Variants in LRPAP1 observed in about 807,000 individuals in gnomAD.
LRPAP1 encodes the protein alpha-2-macroglobulin receptor-associated protein.
In LRPAP1, 41 loss-of-function variants were observed where a neutral mutation model predicts 39.9. The observed-to-expected ratio is 1.03, with a 90% CI of 0.80 to 1.33. The LOEUF (loss-of-function observed/expected upper bound fraction) is 1.33, where lower values mean the gene tolerates loss of function less well. Ranked by LOEUF, LRPAP1 falls within the 40% of genes most tolerant of loss-of-function variation. The pLI is 0.00. For missense variants in LRPAP1, 565 were observed against 482.3 expected (o/e 1.17, Z -1.61); for synonymous variants, 263 against 212.7 (o/e 1.24, Z -2.06).
rs901783740 is a variant in LRPAP1 at position 3,504,961 on chromosome 4, T to A, written c.*8013A>T. On this transcript the variant is annotated 3_prime_UTR_variant, in exon 8 of 8. Coordinates refer to ENST00000650182, the MANE Select transcript of LRPAP1 (RefSeq NM_002337.4). ...GACTCCGTCTCAAGAAAAAAATAAA[T>A]AACAAAGAACAGAAGACAACATGAC... 1.6e-5 allele frequency among the ~76,000 whole-genome samples: 2 copies of A among 126,880 alleles called. No homozygotes were observed. The highest frequency in any genetic ancestry group is 5.7e-5 in the African/African-American group (2 of 35,166). The allele number at this position is 126,880 out of a possible 152,430, so 83.2% of individuals were successfully genotyped here. A position where few individuals can be genotyped will look rare whatever the true frequency, so the allele number is the denominator to read the frequency against.
intron 2 of LRPAP1, among the ~76,000 whole-genome samples, chr4:3,522,989 A>G (rs896047767): frequency 1.4e-4 from 21 of 151,822 alleles, no homozygotes; most frequent in Non-Finnish European, 2.9e-4. Flanking sequence ...ATGGCGGGGA[A>G]CTGGCCAGGA....
chr4:3,532,022 C>T, intron 1 of LRPAP1, 187 bp downstream of exon 1: 1 of 663,386 alleles, frequency 1.5e-6, no homozygotes, highest in South Asian at 2.0e-5. Context: ...GGTACCTTTC[C>T]TGCTGCAGAA....
rs762747340 is a variant in LRPAP1 at position 3,503,771 on chromosome 4, A to C, written c.*9203T>G. On this transcript the variant is annotated 3_prime_UTR_variant, in exon 8 of 8. Transcript: ENST00000650182. ...GACAACAGAGATTTCCAACTCCAGCAATGACAGGCTAGGGTACCTAGATGA... is the reference window on the plus strand; with the variant it reads ...GACAACAGAGATTTCCAACTCCAGCCATGACAGGCTAGGGTACCTAGATGA... 1.3e-5 allele frequency: 2 copies of C among 152,304 alleles called. No homozygotes were observed. The highest frequency in any genetic ancestry group is 4.8e-5 in the African/African-American group (2 of 41,482). 9.4% of individuals were successfully genotyped at this position (152,304 alleles called of 1,614,324 possible). A position where few individuals can be genotyped will look rare whatever the true frequency, so the allele number is the denominator to read the frequency against.
intron 1 of LRPAP1, 70 bp from the exon 2 acceptor site, chr4:3,525,121 C>A (rs79242897): frequency 1.3e-6 from 2 of 1,585,528 alleles, no homozygotes; most frequent in Admixed American, 1.7e-5. Context: ...AAACTGACCT[C>A]GGAGGAGGCT....
At chr4:3,514,722 G>A (rs542303396) in intron 7 of LRPAP1, 30 bp downstream of exon 7, 11 of 1,571,422 alleles carry the variant, frequency 7.0e-6, no homozygotes, top group Admixed American at 1.7e-5. Flanking sequence ...GGGGAACTGT[G>A]GCCTCCCCGG....
At chr4:3,529,280 G>A (rs1730172179) in intron 1 of LRPAP1, among the ~76,000 whole-genome samples, 1 of 151,988 alleles carries the variant, frequency 6.6e-6, no homozygotes, top group Admixed American at 6.5e-5. Flanking sequence ...CCGAGATCAC[G>A]CCACTGCACC....
At chr4:3,526,887 C>G (rs1176876080) in intron 1 of LRPAP1, among the ~76,000 whole-genome samples, 3 of 152,184 alleles carry the variant, frequency 2.0e-5, no homozygotes, top group Non-Finnish European at 4.4e-5. Context: ...TGTGGCTGCC[C>G]TAGCCACACA....
chr4:3,521,287 C>G (rs530689218), intron 2 of LRPAP1, among the ~76,000 whole-genome samples: 1 of 152,216 alleles, frequency 6.6e-6, no homozygotes, highest in Non-Finnish European at 1.5e-5. Flanking sequence ...TCCCAAGATG[C>G]TGGGCTCGGA....
chr4:3,511,181 C>G lies in LRPAP1; in HGVS notation c.*1793G>C, dbSNP rs1021662437. 17 of 152,298 alleles carry G rather than the reference C, an allele frequency of 1.1e-4. No homozygotes were observed. The highest frequency in any genetic ancestry group is 3.9e-4 in the African/African-American group (16 of 41,454). The allele number at this position is 152,298 out of a possible 1,614,324, so 9.4% of individuals were successfully genotyped here. ...CAGTCCAACCACTTTGGAATCATCT[C>G]TATACTTGGACAACACGCTTCGTAA... On this transcript the variant is annotated 3_prime_UTR_variant, in exon 8 of 8. Transcript: ENST00000650182.
intron 1 of LRPAP1, among the ~76,000 whole-genome samples, chr4:3,529,880 G>A (rs1016659754): frequency 6.6e-6 from 1 of 152,222 alleles, no homozygotes; most frequent in Non-Finnish European, 1.5e-5. Flanking sequence ...GGGACACGAT[G>A]TTTTCATGAA....
In LRPAP1 at chr4:3,520,116, C is replaced by G. The variant is rs769578825; in HGVS notation, c.427G>C (p.Glu143Gln). The change falls in exon 3 of 8, where the codon GAA (glutamate) becomes CAA (glutamine). Residue 143 changes from glutamate to glutamine, a missense_variant. Physicochemically the swap from Glu to Gln is conservative, Grantham distance 29. Coordinates refer to ENST00000650182, the MANE Select transcript of LRPAP1 (RefSeq NM_002337.4). ...AGCCTGGGGTCATCCAGCCCGTCTTCCTGGGTGCCACTGAGGGAGTTGCTG... is the reference window on the plus strand; with the variant it reads ...AGCCTGGGGTCATCCAGCCCGTCTTGCTGGGTGCCACTGAGGGAGTTGCTG... ...VTSNSLSGTQEDGLDDPRLEK... is the reference protein window; with the variant it reads ...VTSNSLSGTQQDGLDDPRLEK... The G allele has an allele frequency of 6.2e-7, 1 of 1,614,202 alleles. No individual in the cohort carries two copies. Among genetic ancestry groups the G allele is most frequent in the Non-Finnish European group, 8.5e-7 (1 of 1,180,040 alleles).
intron 1 of LRPAP1, chr4:3,531,862 A>G (rs1199345822): frequency 1.2e-5 from 4 of 342,512 alleles, no homozygotes; most frequent in Non-Finnish European, 2.1e-5. Flanking sequence ...GGTTGAGGGA[A>G]CAGGCAAAGG....
In LRPAP1 at chr4:3,509,283, T is replaced by A. The variant is rs6821400; in HGVS notation, c.*3691A>T. On this transcript the variant is annotated 3_prime_UTR_variant, in exon 8 of 8. Coordinates refer to ENST00000650182, the MANE Select transcript of LRPAP1 (RefSeq NM_002337.4). ...GTCAACGCGTGGACACCGGAGACTG[T>A]TGAGACGCCGACTGGAGTCACACAC... is the stretch of plus-strand genomic sequence containing the variant. 4 of 60,518 alleles carry A rather than the reference T, an allele frequency of 6.6e-5. No homozygotes were observed. Among genetic ancestry groups the A allele is most frequent in the East Asian group, 2.1e-3 (2 of 936 alleles). The allele number at this position is 60,518 out of a possible 1,614,324, so 3.7% of individuals were successfully genotyped here. A position where few individuals can be genotyped will look rare whatever the true frequency, so the allele number is the denominator to read the frequency against.
chr4:3,518,818 G>T, intron 4 of LRPAP1, 53 bp downstream of exon 4: 2 of 1,223,578 alleles, frequency 1.6e-6, no homozygotes, highest in Non-Finnish European at 2.3e-6. Flanking sequence ...AGGAGGGGTG[G>T]GGGGCAGGAG....
chr4:3,510,185 A>G lies in LRPAP1; in HGVS notation c.*2789T>C, dbSNP rs1729466423. Reference sequence around the variant, plus strand: ...CACACCTACAACCTGTAATCCCAGTAGTTTGGGAGGCTGAGACAGGAGCAT... The same window carrying G: ...CACACCTACAACCTGTAATCCCAGTGGTTTGGGAGGCTGAGACAGGAGCAT... On this transcript the variant is annotated 3_prime_UTR_variant, in exon 8 of 8. Transcript: ENST00000650182. 6.6e-6 allele frequency: 1 copy of G among 152,158 alleles called. No individual in the cohort carries two copies. Among genetic ancestry groups the G allele is most frequent in the Non-Finnish European group, 1.5e-5 (1 of 68,034 alleles). The allele number at this position is 152,158 out of a possible 1,614,324, so 9.4% of individuals were successfully genotyped here. A position where few individuals can be genotyped will look rare whatever the true frequency, so the allele number is the denominator to read the frequency against.
intron 1 of LRPAP1, among the ~76,000 whole-genome samples, chr4:3,527,999 G>T (rs569706597): frequency 6.6e-6 from 1 of 152,198 alleles, no homozygotes; most frequent in East Asian, 1.9e-4. Flanking sequence ...ACAAAAGCCA[G>T]CTCCCTTTCC....
Position 3,510,410 on chromosome 4 carries a change from C to T in LRPAP1, c.*2564G>A, listed in dbSNP as rs10014466. The stretch of plus-strand genomic sequence containing the variant: ...GCAGTGAGCTGAGATCACGCTACTG[C>T]ACTCCAGCCTGAGGGACAGAGCAAG... On this transcript the variant is annotated 3_prime_UTR_variant, in exon 8 of 8. Coordinates refer to ENST00000650182, the MANE Select transcript of LRPAP1 (RefSeq NM_002337.4). The T allele has an allele frequency of 0.13, 19,337 of 152,304 alleles. 1,334 individuals carry two copies. The highest frequency in any genetic ancestry group is 0.14 in the African/African-American group (5,998 of 41,518). The allele number at this position is 152,304 out of a possible 1,614,324, so 9.4% of individuals were successfully genotyped here.
chr4:3,514,149 G>A lies in LRPAP1; in HGVS notation c.1011+603C>T, dbSNP rs777597262. Among the ~76,000 whole-genome samples, 7 of 152,368 alleles carry A rather than the reference G, an allele frequency of 4.6e-5. No homozygotes were observed. In the East Asian group the frequency reaches 9.6e-4, roughly 21 times the overall value. On this transcript the variant is annotated intron_variant, in intron 7 of 7. Transcript: ENST00000650182. ...CCTGCACATTCTGCCAGGCAGACCC[G>A]CACCACCCTCTCCTATCAGAACTTC...
chr4:3,514,724 C>A, intron 7 of LRPAP1, 28 bp downstream of exon 7: 1 of 1,572,184 alleles, frequency 6.4e-7, no homozygotes, highest in Non-Finnish European at 8.6e-7. Context: ...GGAACTGTGG[C>A]CTCCCCGGTC....
Sources: gnomAD v4.1 joint callset for allele counts (sites outside exome capture counted in the v4.1 genomes callset) on GRCh38, gnomAD v4.1.1 for gene constraint, MANE v1.5 for transcripts, NCBI Gene and HGNC (gene_info 2026-07-23, HGNC 2026-07-21) for gene names.